AADAT: variants seen among roughly 807,000 people sequenced by gnomAD.
The protein encoded by AADAT is kynurenine/alpha-aminoadipate aminotransferase, mitochondrial.
AADAT carries 25 observed loss-of-function variants against 56.2 expected under a neutral mutation model. The ratio of observed to expected loss-of-function variants is 0.44; its 90% CI spans 0.32 to 0.62. The LOEUF (loss-of-function observed/expected upper bound fraction) is 0.62, where lower values mean the gene tolerates loss of function less well. Ranked by LOEUF, AADAT falls within the 20% of genes least tolerant of loss-of-function variation. AADAT has a pLI of 0.04. For synonymous variants in AADAT, 173 were observed against 164.7 expected (o/e 1.05, Z -0.39); for missense variants, 387 against 510.5 (o/e 0.76, Z 2.33).
intron 4 of AADAT, among the ~76,000 whole-genome samples, chr4:170,075,706 C>T (rs1434839299): frequency 1.3e-5 from 2 of 152,164 alleles, no homozygotes; most frequent in Non-Finnish European, 2.9e-5. Context: ...TTTTTCCTCA[C>T]CCCAAATAGA....
chr4:170,089,513 C>T, intron 1 of AADAT, 111 bp downstream of exon 1: 1 of 1,189,940 alleles, frequency 8.4e-7, no homozygotes, highest in Non-Finnish European at 1.2e-6. Flanking sequence ...CGCGAGCGTG[C>T]ACAGGGGTAC....
chr4:170,071,270 C>G (rs536366397), intron 5 of AADAT, among the ~76,000 whole-genome samples: 2 of 152,246 alleles, frequency 1.3e-5, no homozygotes, highest in African/African-American at 4.8e-5. Context: ...GAGAGAGTGA[C>G]AGGGTAGCTA....
At chr4:170,063,524 T>C (rs950922920) in intron 11 of AADAT, among the ~76,000 whole-genome samples, 5 of 152,356 alleles carry the variant, frequency 3.3e-5, no homozygotes, top group East Asian at 1.9e-4. Flanking sequence ...AGTAAGTCAA[T>C]TGTTTATCAA....
intron 3 of AADAT, among the ~76,000 whole-genome samples, chr4:170,081,160 A>G (rs1050583313): frequency 2.0e-5 from 3 of 152,236 alleles, no homozygotes; most frequent in Non-Finnish European, 4.4e-5. Context: ...TACTGAACTC[A>G]GAATTGTTGA....
At chr4:170,071,987 T>C (rs1731788271) in intron 5 of AADAT, among the ~76,000 whole-genome samples, 1 of 152,054 alleles carries the variant, frequency 6.6e-6, no homozygotes, top group East Asian at 1.9e-4. Flanking sequence ...ATTTTGGGCA[T>C]GTTAAGTGTG....
upstream of AADAT, among the ~76,000 whole-genome samples, chr4:170,093,514 G>A (rs1732929077): frequency 6.6e-6 from 1 of 152,150 alleles, no homozygotes; most frequent in Non-Finnish European, 1.5e-5. Context: ...GCTGGGCCAA[G>A]GAAAAGACCA....
At chr4:170,091,201 G>A (rs1399392566), upstream of AADAT, among the ~76,000 whole-genome samples, 3 of 152,176 alleles carry the variant, frequency 2.0e-5, no homozygotes, top group Admixed American at 2.0e-4. Flanking sequence ...GGCCGGAGCC[G>A]GCTCCCTCAG....
At chr4:170,080,006 A>G (rs1412972465) in intron 3 of AADAT, among the ~76,000 whole-genome samples, 1 of 152,168 alleles carries the variant, frequency 6.6e-6, no homozygotes, top group Non-Finnish European at 1.5e-5. Context: ...CACTGCAAGG[A>G]AGGGAGGGAA....
intron 5 of AADAT, among the ~76,000 whole-genome samples, chr4:170,071,062 A>G (rs1211968125): frequency 6.6e-6 from 1 of 152,088 alleles, no homozygotes; most frequent in African/African-American, 2.4e-5. Context: ...ACAGGCATGC[A>G]CCACCACACC....
intron 6 of AADAT, among the ~76,000 whole-genome samples, 178 bp from the exon 7 acceptor site, chr4:170,069,408 T>C (rs2111160982): frequency 6.6e-6 from 1 of 152,318 alleles, no homozygotes; most frequent in South Asian, 2.1e-4. Flanking sequence ...ATTCTTTTAT[T>C]AGCATCTGCT....
At chr4:170,066,050 C>A (rs370877325) in intron 10 of AADAT, among the ~76,000 whole-genome samples, 2 of 152,032 alleles carry the variant, frequency 1.3e-5, no homozygotes, top group South Asian at 4.2e-4. Context: ...AAGACATCTG[C>A]CTTTGTACAG....
In AADAT at chr4:170,089,836, G is replaced by GC. The variant is rs1186056081; in HGVS notation, c.-147dup. 16 of 791,374 alleles carry GC rather than the reference G, an allele frequency of 2.0e-5. No individual in the cohort carries two copies. The highest frequency in any genetic ancestry group is 3.1e-5 in the Non-Finnish European group (15 of 487,750). The allele number at this position is 791,374 out of a possible 1,614,324, so 49.0% of individuals were successfully genotyped here. On this transcript the variant is annotated 5_prime_UTR_variant, in exon 1 of 13. Coordinates refer to ENST00000337664, the MANE Select transcript of AADAT (RefSeq NM_016228.4). ...CCCCCCGCTGCGTCTGGCTTCCCGC[G>GC]CGCGGTGCCCGGAGAACGCCGCCGA...
At chr4:170,062,862 T>C (rs1327784568) in intron 11 of AADAT, among the ~76,000 whole-genome samples, 1 of 152,196 alleles carries the variant, frequency 6.6e-6, no homozygotes, top group Non-Finnish European at 1.5e-5. Flanking sequence ...CAATGAGATG[T>C]AAGAAACCCG....
chr4:170,066,536 C>T (rs781631913), intron 9 of AADAT, 58 bp from the exon 10 acceptor site: 4 of 1,259,358 alleles, frequency 3.2e-6, no homozygotes, highest in Non-Finnish European at 4.7e-6. Context: ...AGAAGCAAAA[C>T]AGTCTCCAGA....
At chr4:170,062,580 CG>C (rs1731246841) in intron 11 of AADAT, among the ~76,000 whole-genome samples, 2 of 152,266 alleles carry the variant, frequency 1.3e-5, no homozygotes, top group South Asian at 4.1e-4. Flanking sequence ...ATGGGGTGGT[CG>C]GAACAGCTGC....
At chr4:170,079,557 T>C (rs971230362) in intron 3 of AADAT, among the ~76,000 whole-genome samples, 11 of 152,240 alleles carry the variant, frequency 7.2e-5, no homozygotes, top group African/African-American at 2.6e-4. Flanking sequence ...CAGGTAAGGG[T>C]CATCTTAAAG....
At chr4:170,091,223 G>C (rs1732813327), upstream of AADAT, among the ~76,000 whole-genome samples, 1 of 152,172 alleles carries the variant, frequency 6.6e-6, no homozygotes, top group Non-Finnish European at 1.5e-5. Flanking sequence ...CTGCGGGGAG[G>C]TGTGTAGGGA....
Position 170,060,773 on chromosome 4 carries a change from A to G in AADAT, c.*155T>C, listed in dbSNP as rs1053624591. ...TTTAGAGACAGGGTCTTGTTCTGCC[A>G]TGCAGGCCAGAGTGCATGCAGGCCA... On this transcript the variant is annotated 3_prime_UTR_variant, in exon 13 of 13. Coordinates refer to ENST00000337664, the MANE Select transcript of AADAT (RefSeq NM_016228.4). 2 of 437,834 alleles carry G rather than the reference A, an allele frequency of 4.6e-6. No homozygotes were observed. Among genetic ancestry groups the G allele is most frequent in the Admixed American group, 8.7e-5 (2 of 23,032 alleles). The allele number at this position is 437,834 out of a possible 1,614,324, so 27.1% of individuals were successfully genotyped here. A position where few individuals can be genotyped will look rare whatever the true frequency, so the allele number is the denominator to read the frequency against.
chr4:170,070,610 A>T lies in AADAT; in HGVS notation c.697T>A (p.Tyr233Asn), dbSNP rs1337738611. ...YDFLIIEDDPYYFLQFNKFRV... is the reference protein window; with the variant it reads ...YDFLIIEDDPNYFLQFNKFRV... ...ACCTTGTTAAACTGGAGAAAATAGT[A>T]AGGATCATCTTCTATTATGAGGAAA... The change falls in exon 6 of 13, where the codon TAC (tyrosine) becomes AAC (asparagine). Residue 233 changes from tyrosine to asparagine, a missense_variant. Transcript: ENST00000337664. 6 of 1,582,430 alleles carry T rather than the reference A, an allele frequency of 3.8e-6. No individual in the cohort carries two copies. Among genetic ancestry groups the T allele is most frequent in the Non-Finnish European group, 5.2e-6 (6 of 1,156,870 alleles).
Sources: allele counts gnomAD v4.1 joint callset (sites outside exome capture counted in the v4.1 genomes callset), GRCh38; gene constraint gnomAD v4.1.1; transcripts MANE v1.5; gene names NCBI Gene and HGNC (gene_info 2026-07-23, HGNC 2026-07-21).